LCORL: variants seen among roughly 807,000 people sequenced by gnomAD.
The protein encoded by LCORL is ligand dependent nuclear receptor corepressor like.
In LCORL, 41 loss-of-function variants were observed where a neutral mutation model predicts 141.8. The ratio of observed to expected loss-of-function variants is 0.29; its 90% CI spans 0.23 to 0.38. LCORL has a LOEUF of 0.38. Among genes scored for constraint, LCORL ranks in the 10% least tolerant of loss-of-function variants. The pLI is 1.00. For synonymous variants in LCORL, 618 were observed against 694.1 expected (o/e 0.89, Z 1.72); for missense variants, 1,759 against 2,035.0 (o/e 0.86, Z 2.61).
intron 1 of LCORL, among the ~76,000 whole-genome samples, chr4:18,008,208 G>A (rs145601561): frequency 1.3e-5 from 2 of 152,240 alleles, no homozygotes; most frequent in African/African-American, 4.8e-5. Context: ...GAAAAGCCTT[G>A]CCCACTAACT....
At chr4:17,898,590 AC>A (rs1344447017) in intron 5 of LCORL, among the ~76,000 whole-genome samples, 1 of 150,828 alleles carries the variant, frequency 6.6e-6, no homozygotes, top group African/African-American at 2.4e-5. Flanking sequence ...TATTTCTGCA[AC>A]TTGCTTTTTA....
At chr4:17,979,897 G>A (rs528633805) in intron 1 of LCORL, among the ~76,000 whole-genome samples, 2 of 152,248 alleles carry the variant, frequency 1.3e-5, no homozygotes, top group South Asian at 2.1e-4. Flanking sequence ...TTGGGAAGGA[G>A]GCAGAGGAGT....
At chr4:17,996,524 G>A (rs1205866448) in intron 1 of LCORL, among the ~76,000 whole-genome samples, 1 of 152,006 alleles carries the variant, frequency 6.6e-6, no homozygotes, top group Non-Finnish European at 1.5e-5. Context: ...GATAGTGAGT[G>A]AAAAATATAT....
At chr4:17,927,840 G>T (rs1577447087) in intron 4 of LCORL, among the ~76,000 whole-genome samples, 1 of 152,192 alleles carries the variant, frequency 6.6e-6, no homozygotes, top group Non-Finnish European at 1.5e-5. Context: ...TTACTAAAAT[G>T]TGACACAGAG....
intron 1 of LCORL, among the ~76,000 whole-genome samples, chr4:17,999,191 A>AGCCGGGTGCAGTGGCTCAC (rs57487263): frequency 2.7e-4 from 40 of 150,536 alleles, no homozygotes; most frequent in East Asian, 9.8e-4. Flanking sequence ...AGGATGTCTA[A>AGCCGGGTGCAGTGGCTCAC]GCCTGTAATC....
chr4:18,015,635 T>C (rs1322965159), intron 1 of LCORL, among the ~76,000 whole-genome samples: 1 of 151,954 alleles, frequency 6.6e-6, no homozygotes, highest in East Asian at 1.9e-4. Context: ...ACAAAGTCTT[T>C]TGGATAGCAG....
At chr4:17,878,047 T>C (rs1727102291) in exon 7 of LCORL, 2 of 1,230,456 alleles carry the variant, frequency 1.6e-6, no homozygotes, top group Non-Finnish European at 2.0e-6. Flanking sequence ...ACACATGATG[T>C]ATTACAACAG....
intron 4 of LCORL, among the ~76,000 whole-genome samples, chr4:17,915,285 T>C (rs1733216633): frequency 6.6e-6 from 1 of 152,128 alleles, no homozygotes; most frequent in Non-Finnish European, 1.5e-5. Flanking sequence ...TCTACAGCAA[T>C]CAAATCTCCT....
intron 1 of LCORL, among the ~76,000 whole-genome samples, chr4:18,007,034 C>T (rs1233749983): frequency 1.3e-5 from 2 of 152,034 alleles, no homozygotes; most frequent in Admixed American, 6.6e-5. Flanking sequence ...TAATAGTCTC[C>T]CCCTCTTCTC....
intron 1 of LCORL, among the ~76,000 whole-genome samples, chr4:18,003,380 T>C (rs1257257630): frequency 6.6e-6 from 1 of 152,190 alleles, no homozygotes; most frequent in African/African-American, 2.4e-5. Flanking sequence ...TGGATTGGCA[T>C]AGCAGATGAG....
intron 6 of LCORL, chr4:17,881,367 T>C: frequency 1.0e-6 from 1 of 981,226 alleles, no homozygotes; most frequent in Non-Finnish European, 1.2e-6. Context: ...AAGGGGAATT[T>C]CCCTGCCTTT....
intron 1 of LCORL, among the ~76,000 whole-genome samples, chr4:17,977,837 C>G (rs1171253695): frequency 2.6e-5 from 4 of 152,162 alleles, no homozygotes; most frequent in African/African-American, 9.6e-5. Context: ...TTCTTTATCC[C>G]AAGGATGCAA....
intron 7 of LCORL, among the ~76,000 whole-genome samples, chr4:17,862,223 T>A (rs1725094274): frequency 6.6e-6 from 1 of 152,166 alleles, no homozygotes. Flanking sequence ...GAACCCACAG[T>A]TTCACATTGC....
chr4:17,910,442 T>A (rs1732343065), intron 4 of LCORL, among the ~76,000 whole-genome samples: 1 of 152,208 alleles, frequency 6.6e-6, no homozygotes, highest in Non-Finnish European at 1.5e-5. Context: ...ATACTAGTTC[T>A]CTACTCCTTA....
At chr4:18,020,912 C>T (rs1244741493) in intron 1 of LCORL, among the ~76,000 whole-genome samples, 2 of 152,214 alleles carry the variant, frequency 1.3e-5, no homozygotes, top group East Asian at 3.9e-4. Context: ...AACTTCAAAT[C>T]CCAACCGTCA....
chr4:17,998,985 AAT>A (rs1274746631), intron 1 of LCORL, among the ~76,000 whole-genome samples: 594 of 57,870 alleles, frequency 0.01, 22 homozygotes, highest in Middle Eastern at 0.062. Flanking sequence ...AAAAAAAAAA[AAT>A]ATATATATAT....
chr4:17,942,673 G>A (rs1431057235), intron 4 of LCORL, among the ~76,000 whole-genome samples: 2 of 151,988 alleles, frequency 1.3e-5, no homozygotes, highest in Admixed American at 1.3e-4. Context: ...ACTTGCTCAG[G>A]GTAATAAAAG....
At chr4:18,006,082 C>T (rs1318098433) in intron 1 of LCORL, among the ~76,000 whole-genome samples, 2 of 152,160 alleles carry the variant, frequency 1.3e-5, no homozygotes, top group African/African-American at 2.4e-5. Context: ...TTAATGGCAC[C>T]TAAGTCACCT....
intron 7 of LCORL, among the ~76,000 whole-genome samples, chr4:17,872,108 C>A (rs564568886): frequency 1.4e-4 from 22 of 151,924 alleles, no homozygotes; most frequent in African/African-American, 4.6e-4. Flanking sequence ...CCAACCCCCC[C>A]AAAAACACCC....
Sources: gnomAD v4.1 joint callset for allele counts (sites outside exome capture counted in the v4.1 genomes callset) on GRCh38, gnomAD v4.1.1 for gene constraint, MANE v1.5 for transcripts, NCBI Gene and HGNC (gene_info 2026-07-23, HGNC 2026-07-21) for gene names.